Variants in USP26 observed in about 807,000 individuals in gnomAD.
The protein encoded by USP26 is ubiquitin specific peptidase 26.
For synonymous variants in USP26, 236 were observed against 240.6 expected, an observed-to-expected ratio of 0.98 and a Z score of 0.18; for missense variants, 649 against 642.3, an observed-to-expected ratio of 1.01 and a Z score of -0.11.
Position 133,027,339 on chromosome X carries a change from G to A in USP26, c.882C>T (p.Cys294=). 8.3e-7 allele frequency: 1 copy of A among 1,209,553 alleles called. No individual in the cohort carries two copies. Among genetic ancestry groups the A allele is most frequent in the Non-Finnish European group, 1.1e-6 (1 of 893,771 alleles). ...LFFELFPEKI[C]HGLPNLGNTC... is the part of the protein sequence containing the mutation. The stretch of plus-strand genomic sequence containing the variant: ...TGTTTCCCAAATTGGGGAGGCCGTG[G>A]CATATTTTCTCTGGAAATAATTCAA... Residue 294 remains cysteine (C), a synonymous_variant, in exon 6 of 6, where the codon TGC becomes TGT. Transcript: ENST00000511190.
At position 133,065,186 on chromosome X, in the gene USP26, C is replaced by A. The variant is rs182350471; in HGVS notation, c.-77+18521G>T. On this transcript the variant is annotated intron_variant, in intron 5 of 5. Coordinates refer to ENST00000511190, the MANE Select transcript of USP26 (RefSeq NM_031907.3). ...CCCCAAGACTAAACCAGGAAGAAGTCAAATCCCTGAATAGACCAAAAACAA... is the reference window on the plus strand; with the variant it reads ...CCCCAAGACTAAACCAGGAAGAAGTAAAATCCCTGAATAGACCAAAAACAA... Among the ~76,000 whole-genome samples, 27 of 111,237 alleles carry A rather than the reference C, an allele frequency of 2.4e-4. No homozygotes were observed. The East Asian group carries it at 6.8e-3, about 28-fold the overall frequency.
chrX:133,079,578 C>G (rs2067562667), intron 5 of USP26, among the ~76,000 whole-genome samples: 1 of 111,656 alleles, frequency 9.0e-6, no homozygotes, highest in African/African-American at 3.3e-5. Context: ...ATAGAAAAGA[C>G]ATAAACCCAG....
chrX:133,088,904 A>C (rs2067598236), intron 4 of USP26, among the ~76,000 whole-genome samples: 1 of 110,441 alleles, frequency 9.1e-6, no homozygotes, highest in African/African-American at 3.3e-5. Flanking sequence ...TTGATGAAGG[A>C]ACTTGGTGGC....
intron 2 of USP26, among the ~76,000 whole-genome samples, 158 bp downstream of exon 2, chrX:133,091,195 C>T (rs772018273): frequency 3.6e-5 from 4 of 111,991 alleles, no homozygotes; most frequent in East Asian, 2.8e-4. Context: ...TAATTGCTGG[C>T]GTATACCTTC....
rs983698763 is a variant in USP26 at position 133,043,852 on chromosome X, G to A, written c.-76-15556C>T. On this transcript the variant is annotated intron_variant, in intron 5 of 5. Transcript: ENST00000511190. ...CAGGAGGCCGAGGTGGCAGTGAGCC[G>A]TGATTGCACTCAAGCCTGGGCCTGT... Among the ~76,000 whole-genome samples, 9 of 111,943 alleles carry A rather than the reference G, an allele frequency of 8.0e-5. No homozygotes were observed. In the South Asian group the frequency reaches 1.1e-3, roughly 14 times the overall value.
intron 4 of USP26, among the ~76,000 whole-genome samples, chrX:133,085,878 G>T (rs1225542193): frequency 9.0e-6 from 1 of 111,220 alleles, no homozygotes; most frequent in Non-Finnish European, 1.9e-5. Flanking sequence ...TACTGTCTGG[G>T]TGGAGTCTGC....
chrX:133,086,738 G>A (rs1431619413), intron 4 of USP26, among the ~76,000 whole-genome samples: 3 of 108,876 alleles, frequency 2.8e-5, no homozygotes, highest in Admixed American at 2.0e-4. Flanking sequence ...ATGGTGAAAC[G>A]CCATCTCTAC....
intron 5 of USP26, among the ~76,000 whole-genome samples, chrX:133,039,738 A>C (rs2067410863): frequency 9.0e-6 from 1 of 111,140 alleles, no homozygotes; most frequent in African/African-American, 3.3e-5. Flanking sequence ...TCAAGTCCTA[A>C]ATATCCTTGT....
Position 133,026,203 on chromosome X carries a change from C to A in USP26, c.2018G>T (p.Gly673Val), listed in dbSNP as rs1199394044. 8.3e-7 allele frequency: 1 copy of A among 1,210,679 alleles called. No individual in the cohort carries two copies. The highest frequency in any genetic ancestry group is 2.2e-5 in the Admixed American group (1 of 45,753). The change falls in exon 6 of 6, where the codon GGA becomes GTA. Residue 673 changes from glycine (G) to valine (V), a missense_variant. Transcript: ENST00000511190. Reference protein sequence around the residue: ...DTSLCQFHKAGGKPASSPGTP... With the variant: ...DTSLCQFHKAVGKPASSPGTP... ...GCCTGGGCTGCTGGCAGGTTTACCT[C>A]CAGCTTTGTGGAACTGACAAAGTGA...
intron 5 of USP26, among the ~76,000 whole-genome samples, chrX:133,047,515 A>T (rs1208495731): frequency 9.0e-6 from 1 of 111,633 alleles, no homozygotes; most frequent in Non-Finnish European, 1.9e-5. Flanking sequence ...ATTCCACAAG[A>T]CTCTTGCCCA....
At chrX:133,090,584 C>T (rs1306570937) in intron 3 of USP26, 134 bp downstream of exon 3, 1 of 111,955 alleles carries the variant, frequency 8.9e-6, no homozygotes, top group Non-Finnish European at 1.9e-5. Context: ...GAATTTTGAC[C>T]CAGTTACTGT....
chrX:133,078,369 T>A (rs1322894469), intron 5 of USP26, among the ~76,000 whole-genome samples: 1 of 111,777 alleles, frequency 8.9e-6, no homozygotes, highest in African/African-American at 3.3e-5. Context: ...TTTTTAAGGA[T>A]TAACCTTAAT....
rs757477545 is a variant in USP26 at position 133,024,278 on chromosome X, TAA to T, written c.*1199_*1200del. Among the ~76,000 whole-genome samples the T allele has an allele frequency of 1.5e-4, 14 of 95,513 alleles. No individual in the cohort carries two copies. Among genetic ancestry groups the T allele is most frequent in the Middle Eastern group, 5.6e-3 (1 of 179 alleles). 82.9% of individuals were successfully genotyped at this position (95,513 alleles called of 115,157 possible). On this transcript the variant is annotated 3_prime_UTR_variant, in exon 6 of 6. Transcript: ENST00000511190. ...CACCACACTATAAGGTACAGAGATG[TAA>T]AAAAAAAAAAAAAATCTGGAATTAG...
rs1169440866 is a variant in USP26, at chrX:133,026,314, T to C, written c.1907A>G (p.Asn636Ser). The change falls in exon 6 of 6, where the codon AAT becomes AGT. Residue 636 changes from asparagine to serine, a missense_variant. Transcript: ENST00000511190. ...QKYLGKNSKPNELESVYSGDR... is the reference protein window; with the variant it reads ...QKYLGKNSKPSELESVYSGDR... ...TCCTGAGTATACAGATTCTAGCTCATTTGGTTTAGAATTTTTTCCAAGGTA... is the reference window on the plus strand; with the variant it reads ...TCCTGAGTATACAGATTCTAGCTCACTTGGTTTAGAATTTTTTCCAAGGTA... 1 of 1,206,982 alleles carries C rather than the reference T, an allele frequency of 8.3e-7. No homozygotes were observed. Among genetic ancestry groups the C allele is most frequent in the Non-Finnish European group, 1.1e-6 (1 of 894,594 alleles).
At chrX:133,030,955 T>C (rs2067374207) in intron 5 of USP26, among the ~76,000 whole-genome samples, 1 of 111,871 alleles carries the variant, frequency 8.9e-6, no homozygotes, top group African/African-American at 3.2e-5. Context: ...GAAACTAACA[T>C]TTCTAGGTCA....
chrX:133,092,476 A>G (rs2067611140), intron 1 of USP26, among the ~76,000 whole-genome samples: 1 of 112,412 alleles, frequency 8.9e-6, no homozygotes, highest in African/African-American at 3.2e-5. Context: ...GGAAGCTAGT[A>G]TCATTTAGGA....
intron 5 of USP26, among the ~76,000 whole-genome samples, chrX:133,042,738 C>T (rs1170437391): frequency 3.6e-5 from 4 of 112,279 alleles, no homozygotes; most frequent in African/African-American, 1.3e-4. Flanking sequence ...GCAAGGAGTG[C>T]TTCCACCTAT....
In USP26 at chrX:133,032,297, C is replaced by A. The variant is rs148622985; in HGVS notation, c.-76-4001G>T. On this transcript the variant is annotated intron_variant, in intron 5 of 5. Transcript: ENST00000511190. ...TAGGGGGTTCTGGGAAGGCCTAACACGTGATGACAATATGCAGCAGGGTGT... is the reference window on the plus strand; with the variant it reads ...TAGGGGGTTCTGGGAAGGCCTAACAAGTGATGACAATATGCAGCAGGGTGT... 6.4e-3 allele frequency among the ~76,000 whole-genome samples: 715 copies of A among 111,473 alleles called. 5 individuals are homozygous for A. Among genetic ancestry groups the A allele is most frequent in the African/African-American group, 0.022 (679 of 30,674 alleles).
chrX:133,031,728 AG>A (rs1224341548), intron 5 of USP26, among the ~76,000 whole-genome samples: 1 of 112,274 alleles, frequency 8.9e-6, no homozygotes, highest in Non-Finnish European at 1.9e-5. Context: ...TAGGTATAGA[AG>A]AATGAAAAAA....
Sources: gnomAD v4.1 joint callset for allele counts (sites outside exome capture counted in the v4.1 genomes callset) on GRCh38, gnomAD v4.1.1 for gene constraint, MANE v1.5 for transcripts, NCBI Gene and HGNC (gene_info 2026-07-23, HGNC 2026-07-21) for gene names.